The following PSD3 variants were observed in gnomAD, a reference collection of about 807,000 sequenced individuals.
The protein encoded by PSD3 is pleckstrin and Sec7 domain containing 3.
A neutral mutation model predicts 105.5 loss-of-function variants in PSD3; 49 were observed. That is an observed-to-expected ratio of 0.46 (90% CI 0.37 to 0.59). The LOEUF is 0.59. Ranked by LOEUF, PSD3 falls within the 20% of genes least tolerant of loss-of-function variation. PSD3 has a pLI of 0.00. For synonymous variants in PSD3, 557 were observed against 457.8 expected, an observed-to-expected ratio of 1.22 and a Z score of -2.77; for missense variants, 1,561 against 1,263.8, an observed-to-expected ratio of 1.24 and a Z score of -3.57.
chr8:18,642,633 C>T (rs1246969704), intron 10 of PSD3, among the ~76,000 whole-genome samples: 1 of 152,168 alleles, frequency 6.6e-6, no homozygotes, highest in Non-Finnish European at 1.5e-5. Flanking sequence ...AACATAATCA[C>T]ATTCCATCTG....
At chr8:18,671,051 G>C (rs1197819994) in intron 9 of PSD3, among the ~76,000 whole-genome samples, 2 of 152,182 alleles carry the variant, frequency 1.3e-5, no homozygotes, top group Non-Finnish European at 2.9e-5. Context: ...CTTAACCACA[G>C]CGAGGGTTTC....
intron 1 of PSD3, among the ~76,000 whole-genome samples, chr8:18,993,509 G>A (rs1208515183): frequency 6.6e-6 from 1 of 152,068 alleles, no homozygotes; most frequent in African/African-American, 2.4e-5. Flanking sequence ...TGAGTGTAAA[G>A]TCTTAACACA....
chr8:18,632,968 T>C (rs1019526616), intron 10 of PSD3, among the ~76,000 whole-genome samples, 162 bp from the exon 11 acceptor site: 4 of 152,060 alleles, frequency 2.6e-5, no homozygotes, highest in Admixed American at 6.6e-5. Context: ...GTATTCTGTG[T>C]GCCAGGTGTT....
At chr8:18,955,654 C>A (rs998949622) in intron 1 of PSD3, among the ~76,000 whole-genome samples, 3 of 152,202 alleles carry the variant, frequency 2.0e-5, no homozygotes, top group African/African-American at 7.2e-5. Context: ...ACTCTTGATA[C>A]ACGTTGCTGA....
intron 6 of PSD3, among the ~76,000 whole-genome samples, chr8:18,803,595 A>G (rs1038053834): frequency 1.3e-5 from 2 of 152,164 alleles, no homozygotes; most frequent in Non-Finnish European, 2.9e-5. Flanking sequence ...ATAATGGGGT[A>G]TTACTCAGCC....
chr8:18,914,257 A>C (rs1401740685), intron 2 of PSD3, among the ~76,000 whole-genome samples: 1 of 152,262 alleles, frequency 6.6e-6, no homozygotes, highest in South Asian at 2.1e-4. Context: ...ACCTCAACAT[A>C]ATAAAGACCC....
intron 2 of PSD3, chr8:18,924,795 GCTT>G (rs1255613681): frequency 6.6e-6 from 1 of 152,158 alleles, no homozygotes; most frequent in Non-Finnish European, 1.5e-5. Context: ...GAATTATTCA[GCTT>G]CTTCTTTGCA....
intron 1 of PSD3, among the ~76,000 whole-genome samples, chr8:18,954,502 A>G (rs1013920295): frequency 2.0e-5 from 3 of 152,198 alleles, no homozygotes; most frequent in African/African-American, 7.2e-5. Context: ...AAGATGACCA[A>G]TGTTTAGTTC....
rs541275788 is a variant in PSD3, at chr8:18,825,198, G to C, written c.1635-20300C>G. 3.3e-5 allele frequency among the ~76,000 whole-genome samples: 5 copies of C among 152,254 alleles called. No homozygotes were observed. In the East Asian group the frequency reaches 9.6e-4, roughly 29 times the overall value. Reference sequence around the variant, plus strand: ...AGGTCCCATCTCAGACCTAAAGTTTGAGAACCCAAAAGTTAGTTATATTTC... The same window carrying C: ...AGGTCCCATCTCAGACCTAAAGTTTCAGAACCCAAAAGTTAGTTATATTTC... On this transcript the variant is annotated intron_variant, in intron 4 of 15. Coordinates refer to ENST00000327040, the MANE Select transcript of PSD3 (RefSeq NM_015310.4).
intron 1 of PSD3, chr8:18,999,890 A>C (rs1303049015): frequency 2.0e-5 from 3 of 151,724 alleles, no homozygotes; most frequent in Admixed American, 1.3e-4. Context: ...TTGTTTTAGT[A>C]ACGCTTCTAA....
chr8:18,652,011 T>C lies in PSD3; in HGVS notation c.2216+3631A>G, dbSNP rs1585507422. Among the ~76,000 whole-genome samples the C allele has an allele frequency of 2.0e-5, 3 of 151,050 alleles. No individual in the cohort carries two copies. The South Asian group carries it at 6.3e-4, about 32-fold the overall frequency. On this transcript the variant is annotated intron_variant, in intron 10 of 15. Coordinates refer to ENST00000327040, the MANE Select transcript of PSD3 (RefSeq NM_015310.4). ...CTGAAAAACAAAAGAATGGCAGGAG[T>C]GAAGAGGAAAGATGCTGTTTGGAGC...
At chr8:18,748,576 C>G (rs550257913) in intron 9 of PSD3, among the ~76,000 whole-genome samples, 306 of 146,956 alleles carry the variant, frequency 2.1e-3, no homozygotes, top group Non-Finnish European at 3.7e-3. Context: ...AGGAGAATGG[C>G]GTGAACCTGG....
chr8:18,549,544 A>C (rs1475804867), intron 15 of PSD3, among the ~76,000 whole-genome samples: 1 of 152,058 alleles, frequency 6.6e-6, no homozygotes, highest in African/African-American at 2.4e-5. Flanking sequence ...GGTGTGCTAA[A>C]ACTTCTCCAC....
intron 1 of PSD3, among the ~76,000 whole-genome samples, chr8:19,031,313 A>G (rs1488050373): frequency 6.6e-6 from 1 of 152,172 alleles, no homozygotes; most frequent in Non-Finnish European, 1.5e-5. Context: ...ACTACACTCA[A>G]TCAAGTATCA....
At chr8:18,894,424 T>G (rs1819008949) in intron 2 of PSD3, among the ~76,000 whole-genome samples, 1 of 152,082 alleles carries the variant, frequency 6.6e-6, no homozygotes, top group African/African-American at 2.4e-5. Context: ...ACCTGACATC[T>G]CCCCTAGGCT....
At chr8:18,676,842 T>C (rs923921675) in intron 9 of PSD3, among the ~76,000 whole-genome samples, 2 of 152,204 alleles carry the variant, frequency 1.3e-5, no homozygotes, top group African/African-American at 4.8e-5. Flanking sequence ...ACCTCCACTG[T>C]CTCCCTTGTG....
chr8:18,982,734 G>C (rs982137012), intron 1 of PSD3, among the ~76,000 whole-genome samples: 1 of 152,168 alleles, frequency 6.6e-6, no homozygotes, highest in African/African-American at 2.4e-5. Context: ...TCAACAGTTG[G>C]CTTCAAATAT....
chr8:18,620,336 G>GTTT, intron 11 of PSD3, among the ~76,000 whole-genome samples: 1 of 128,168 alleles, frequency 7.8e-6, no homozygotes, highest in Admixed American at 7.9e-5. Flanking sequence ...GGGTTCTTGG[G>GTTT]TTTGTGTTTT....
At chr8:19,066,230 T>A (rs1349548475) in intron 1 of PSD3, among the ~76,000 whole-genome samples, 1 of 152,218 alleles carries the variant, frequency 6.6e-6, no homozygotes, top group Non-Finnish European at 1.5e-5. Context: ...AGAACGTCAT[T>A]AAAATCATTA....
Sources: allele counts gnomAD v4.1 joint callset (sites outside exome capture counted in the v4.1 genomes callset), GRCh38; gene constraint gnomAD v4.1.1; transcripts MANE v1.5; gene names NCBI Gene and HGNC (gene_info 2026-07-23, HGNC 2026-07-21).